PHF3: variants seen among roughly 807,000 people sequenced by gnomAD.
PHF3 encodes PHD finger protein 3.
In PHF3, 41 loss-of-function variants were observed where a neutral mutation model predicts 178.4. That is an observed-to-expected ratio of 0.23 (90% CI 0.18 to 0.30). The LOEUF (loss-of-function observed/expected upper bound fraction) is 0.30. Among genes scored for constraint, PHF3 ranks in the 10% least tolerant of loss-of-function variants. The pLI, the probability that PHF3 is intolerant of heterozygous loss-of-function variation, is 1.00. For missense variants in PHF3, 2,346 were observed against 2,398.1 expected (o/e 0.98, Z 0.45); for synonymous variants, 842 against 800.5 (o/e 1.05, Z -0.88).
At position 63,713,387 on chromosome 6, in the gene PHF3, G is replaced by A. The variant is rs1768054761; in HGVS notation, c.5799G>A (p.Glu1933=). ...GTGATTCACACCATTTGAAAAGAGA[G>A]CGACATGAAAAGGAATGGGAGCAAG... ...FYSDSHHLKR[E]RHEKEWEQES... The change falls in exon 16 of 16, where the codon GAG becomes GAA. Residue 1933 remains glutamate, a synonymous_variant. Transcript: ENST00000262043. 6.2e-7 allele frequency: 1 copy of A among 1,613,876 alleles called. No individual in the cohort carries two copies. The highest frequency in any genetic ancestry group is 8.5e-7 in the Non-Finnish European group (1 of 1,179,976).
chr6:63,693,641 T>TAA (rs1354899414), intron 5 of PHF3, among the ~76,000 whole-genome samples: 1 of 152,176 alleles, frequency 6.6e-6, no homozygotes, highest in Non-Finnish European at 1.5e-5. Flanking sequence ...CATAAAACGT[T>TAA]AACAATTTTA....
chr6:63,713,024 A>G lies in PHF3; in HGVS notation c.5436A>G (p.Pro1812=). The G allele has an allele frequency of 1.2e-6, 2 of 1,613,980 alleles. No homozygotes were observed. The highest frequency in any genetic ancestry group is 1.7e-6 in the Non-Finnish European group (2 of 1,179,944). ...QPNLQHLKSS[P]PGFPFPGPPN... Reference sequence around the variant, plus strand: ...ACCTTCAGCATCTCAAGTCTAGCCCACCTGGATTTCCATTTCCAGGGCCTC... The same window carrying G: ...ACCTTCAGCATCTCAAGTCTAGCCCGCCTGGATTTCCATTTCCAGGGCCTC... The change falls in exon 16 of 16, where the codon CCA becomes CCG. Residue 1812 remains proline (P), a synonymous_variant. Transcript: ENST00000262043.
chr6:63,646,433 G>A, intron 1 of PHF3, 94 bp from the exon 2 acceptor site: 2 of 818,142 alleles, frequency 2.4e-6, no homozygotes, highest in Non-Finnish European at 3.6e-6. Flanking sequence ...CCTTAAGTGT[G>A]TTCTTAGACT....
At chr6:63,680,916 T>C (rs992220870) in intron 3 of PHF3, among the ~76,000 whole-genome samples, 1 of 152,094 alleles carries the variant, frequency 6.6e-6, no homozygotes, top group Non-Finnish European at 1.5e-5. Context: ...CTGTGCTTTG[T>C]GCTTTTGTTG....
In PHF3 at chr6:63,677,724, TGAA is replaced by T. The variant is rs200725171; in HGVS notation, c.245-2274_245-2272del. Among the ~76,000 whole-genome samples, 1,256 of 152,290 alleles carry T rather than the reference TGAA, an allele frequency of 8.2e-3. 18 individuals carry two copies. Among genetic ancestry groups the T allele is most frequent in the African/African-American group, 0.028 (1,181 of 41,544 alleles). On this transcript the variant is annotated intron_variant, in intron 2 of 15. Transcript: ENST00000262043. ...CTTGGAAAAGTCAGAGAAAGTATAA[TGAA>T]GGTTAAAAAACAACAGCAATGGCAA...
intron 2 of PHF3, among the ~76,000 whole-genome samples, chr6:63,658,173 A>G (rs555707462): frequency 3.9e-5 from 6 of 152,306 alleles, no homozygotes; most frequent in East Asian, 1.9e-4. Flanking sequence ...TATACCATCT[A>G]TCATTTCATT....
At chr6:63,687,286 T>C (rs1391024245) in intron 4 of PHF3, among the ~76,000 whole-genome samples, 2 of 152,168 alleles carry the variant, frequency 1.3e-5, no homozygotes, top group African/African-American at 2.4e-5. Context: ...TAGCTGGGTG[T>C]GCTGGTGCAT....
At chr6:63,639,913 C>A (rs895256229) in intron 1 of PHF3, among the ~76,000 whole-genome samples, 9 of 152,138 alleles carry the variant, frequency 5.9e-5, no homozygotes, top group South Asian at 2.1e-4. Flanking sequence ...TGATATAATG[C>A]CAATATAGTT....
At position 63,706,833 on chromosome 6, in the gene PHF3, C is replaced by T. The variant is rs753486420; in HGVS notation, c.3668C>T (p.Thr1223Ile). The T allele has an allele frequency of 6.2e-7, 1 of 1,614,004 alleles. No homozygotes were observed. The highest frequency in any genetic ancestry group is 8.5e-7 in the Non-Finnish European group (1 of 1,179,924). Reference sequence around the variant, plus strand: ...ATGCCTTCTGTGGCAAAATTTGTTACCAAAGCCTATCCAGTATCTGGCTCC... The same window carrying T: ...ATGCCTTCTGTGGCAAAATTTGTTATCAAAGCCTATCCAGTATCTGGCTCC... ...INMPSVAKFVTKAYPVSGSPE... is the reference protein window; with the variant it reads ...INMPSVAKFVIKAYPVSGSPE... The change falls in exon 13 of 16, where the codon ACC (threonine) becomes ATC (isoleucine). Residue 1223 changes from threonine to isoleucine, a missense_variant. Transcript: ENST00000262043.
At chr6:63,686,158 G>A in intron 4 of PHF3, 1 of 469,814 alleles carries the variant, frequency 2.1e-6, no homozygotes, top group Non-Finnish European at 3.7e-6. Flanking sequence ...GAAATATTTT[G>A]TCATTGTCAC....
intron 2 of PHF3, among the ~76,000 whole-genome samples, chr6:63,656,031 A>G (rs941591228): frequency 1.3e-5 from 2 of 152,252 alleles, no homozygotes; most frequent in African/African-American, 4.8e-5. Flanking sequence ...AACAAAAGTA[A>G]CAATTGAACT....
intron 2 of PHF3, among the ~76,000 whole-genome samples, chr6:63,658,222 T>A (rs950553435): frequency 6.6e-6 from 1 of 152,236 alleles, no homozygotes; most frequent in Non-Finnish European, 1.5e-5. Flanking sequence ...TGTTCACAAC[T>A]TCTTAAGCTT....
In PHF3 at chr6:63,716,530, T is replaced by G. The variant is rs1178546085; in HGVS notation, c.*2822T>G. On this transcript the variant is annotated 3_prime_UTR_variant, in exon 16 of 16. Transcript: ENST00000262043. ...TTCCTGTTTTCTATTGCTGTTGTGA[T>G]GAATTACTACAAGTGTAGTGGCTTA... Among the ~76,000 whole-genome samples, 3 of 152,134 alleles carry G rather than the reference T, an allele frequency of 2.0e-5. No homozygotes were observed. The highest frequency in any genetic ancestry group is 2.9e-5 in the Non-Finnish European group (2 of 67,998).
chr6:63,693,059 A>G (rs1767074848), intron 5 of PHF3, among the ~76,000 whole-genome samples: 1 of 152,168 alleles, frequency 6.6e-6, no homozygotes, highest in Non-Finnish European at 1.5e-5. Flanking sequence ...TTTGTCTGTC[A>G]AGACTTTTTG....
chr6:63,685,926 G>C lies in PHF3; in HGVS notation c.2189+15G>C. 2.6e-6 allele frequency: 4 copies of C among 1,562,612 alleles called. No homozygotes were observed. The highest frequency in any genetic ancestry group is 3.5e-6 in the Non-Finnish European group (4 of 1,144,260). ...CATGGCAACAGGTGTGTGTGTATGTGTGTATGAGTGATGTGTACATTGAAA... is the reference window on the plus strand; with the variant it reads ...CATGGCAACAGGTGTGTGTGTATGTCTGTATGAGTGATGTGTACATTGAAA... On this transcript the variant is annotated intron_variant, in intron 4 of 15. Coordinates refer to ENST00000262043, the MANE Select transcript of PHF3 (RefSeq NM_001370348.2).
intron 13 of PHF3, among the ~76,000 whole-genome samples, chr6:63,708,212 A>G (rs561487383): frequency 4.0e-4 from 61 of 152,244 alleles, no homozygotes; most frequent in African/African-American, 1.5e-3. Context: ...ACTTTTATAT[A>G]CAGTTTGCTT....
intron 2 of PHF3, among the ~76,000 whole-genome samples, chr6:63,660,378 T>C (rs988231913): frequency 1.3e-5 from 2 of 151,940 alleles, no homozygotes; most frequent in African/African-American, 2.4e-5. Flanking sequence ...TTCATACTCA[T>C]TTTACAGTTG....
rs918093698 is a variant in PHF3, at chr6:63,718,039, A to G, written c.*4331A>G. On this transcript the variant is annotated 3_prime_UTR_variant, in exon 16 of 16. Coordinates refer to ENST00000262043, the MANE Select transcript of PHF3 (RefSeq NM_001370348.2). Reference sequence around the variant, plus strand: ...GGAAATCGTCAACACCATTATCACCAGGATAGCAAAAATAGGAAGCGGGAA... The same window carrying G: ...GGAAATCGTCAACACCATTATCACCGGGATAGCAAAAATAGGAAGCGGGAA... 6.6e-6 allele frequency among the ~76,000 whole-genome samples: 1 copy of G among 152,076 alleles called. No individual in the cohort carries two copies. The highest frequency in any genetic ancestry group is 1.5e-5 in the Non-Finnish European group (1 of 67,954).
Position 63,711,626 on chromosome 6 carries a change from T to C in PHF3, c.4038T>C (p.Ile1346=), listed in dbSNP as rs1767929664. The change falls in exon 16 of 16, where the codon ATT becomes ATC. Residue 1346 remains isoleucine, a synonymous_variant. Coordinates refer to ENST00000262043, the MANE Select transcript of PHF3 (RefSeq NM_001370348.2). ...LHRPNLLLGL[I]IRQKLKRQHS... is the part of the protein sequence containing the mutation. ...GACCTAATCTATTGTTGGGCTTAAT[T>C]ATTCGTCAGAAACTGAAGCGACAGC... 6.3e-7 allele frequency: 1 copy of C among 1,598,118 alleles called. No individual in the cohort carries two copies. Among genetic ancestry groups the C allele is most frequent in the Non-Finnish European group, 8.5e-7 (1 of 1,176,050 alleles).
Sources: gnomAD v4.1 joint callset for allele counts (sites outside exome capture counted in the v4.1 genomes callset) on GRCh38, gnomAD v4.1.1 for gene constraint, MANE v1.5 for transcripts, NCBI Gene and HGNC (gene_info 2026-07-23, HGNC 2026-07-21) for gene names.